Variants in PCGF5 observed in about 807,000 individuals in gnomAD.
PCGF5 encodes polycomb group ring finger 5, also known as polycomb group RING finger protein 5.
In PCGF5, 9 loss-of-function variants were observed where a neutral mutation model predicts 44.3. The ratio of observed to expected loss-of-function variants is 0.20; its 90% CI spans 0.12 to 0.35. PCGF5 has a LOEUF of 0.35. Among genes scored for constraint, PCGF5 ranks in the 10% least tolerant of loss-of-function variants. The probability of loss-of-function intolerance (pLI) is 1.00; values close to 1 mark genes in which losing one functional copy is unlikely to be tolerated. For missense variants in PCGF5, 146 were observed against 305.3 expected (o/e 0.48, Z 3.89); for synonymous variants, 95 against 102.5 (o/e 0.93, Z 0.44).
At chr10:91,247,970 A>G (rs887678334) in intron 3 of PCGF5, among the ~76,000 whole-genome samples, 5 of 152,112 alleles carry the variant, frequency 3.3e-5, no homozygotes, top group South Asian at 2.1e-4. Flanking sequence ...GCATTGGGTA[A>G]TCTGCTGTGC....
intron 1 of PCGF5, among the ~76,000 whole-genome samples, chr10:91,168,859 C>T (rs563354491): frequency 1.0e-3 from 128 of 124,038 alleles, no homozygotes; most frequent in Admixed American, 1.8e-3. Context: ...ATCTGGGAGG[C>T]GGAGGTTGCA....
At position 91,282,145 on chromosome 10, in the gene PCGF5, T is replaced by C. The variant is rs1846469794; in HGVS notation, c.*3829T>C. On this transcript the variant is annotated 3_prime_UTR_variant, in exon 10 of 10. Transcript: ENST00000336126. Reference sequence around the variant, plus strand: ...GATTTATATAAGTAAGTGCTTTCTCTATATTCAAAATATTTCATAAGGACC... The same window carrying C: ...GATTTATATAAGTAAGTGCTTTCTCCATATTCAAAATATTTCATAAGGACC... The C allele has an allele frequency of 6.6e-6, 1 of 152,242 alleles. No homozygotes were observed. The highest frequency in any genetic ancestry group is 1.5e-5 in the Non-Finnish European group (1 of 68,044). The allele number at this position is 152,242 out of a possible 1,614,324, so 9.4% of individuals were successfully genotyped here. A position where few individuals can be genotyped will look rare whatever the true frequency, so the allele number is the denominator to read the frequency against.
chr10:91,182,671 T>C (rs998844129), intron 1 of PCGF5, among the ~76,000 whole-genome samples: 6 of 152,214 alleles, frequency 3.9e-5, no homozygotes, highest in African/African-American at 1.4e-4. Flanking sequence ...CTTTTTGATA[T>C]GGGCATTTAG....
intron 1 of PCGF5, among the ~76,000 whole-genome samples, chr10:91,205,990 C>T (rs1844340690): frequency 6.6e-6 from 1 of 152,124 alleles, no homozygotes; most frequent in Non-Finnish European, 1.5e-5. Context: ...CCACTGCACT[C>T]CGACCTGGGT....
rs960659479 is a variant in PCGF5 at position 91,282,429 on chromosome 10, A to T, written c.*4113A>T. On this transcript the variant is annotated 3_prime_UTR_variant, in exon 10 of 10. Coordinates refer to ENST00000336126, the MANE Select transcript of PCGF5 (RefSeq NM_032373.5). ...AACCCAGGAGGTGGAGGTTGCAGTG[A>T]GCCGCAATTACACCACTGCACTCCA... The T allele has an allele frequency of 6.6e-6, 1 of 152,652 alleles. No homozygotes were observed. The highest frequency in any genetic ancestry group is 2.4e-5 in the African/African-American group (1 of 41,468). The allele number at this position is 152,652 out of a possible 1,614,324, so 9.5% of individuals were successfully genotyped here.
At position 91,282,203 on chromosome 10, in the gene PCGF5, G is replaced by A. The variant is rs1187473539; in HGVS notation, c.*3887G>A. 6.6e-6 allele frequency: 1 copy of A among 152,170 alleles called. No homozygotes were observed. The highest frequency in any genetic ancestry group is 1.5e-5 in the Non-Finnish European group (1 of 68,046). The allele number at this position is 152,170 out of a possible 1,614,324, so 9.4% of individuals were successfully genotyped here. On this transcript the variant is annotated 3_prime_UTR_variant, in exon 10 of 10. Coordinates refer to ENST00000336126, the MANE Select transcript of PCGF5 (RefSeq NM_032373.5). ...TTTTTCCCCTTAAAAAGCAACTCTA[G>A]GCCGGGCACAGTGGCTCATGCCTGT... is the stretch of plus-strand genomic sequence containing the variant.
rs1264836611 is a variant in PCGF5 at position 91,169,874 on chromosome 10, C to CT, written c.-184+6794dup. 2.0e-5 allele frequency among the ~76,000 whole-genome samples: 3 copies of CT among 152,158 alleles called. No homozygotes were observed. In the East Asian group the frequency reaches 5.8e-4, roughly 29 times the overall value. On this transcript the variant is annotated intron_variant, in intron 1 of 9. Transcript: ENST00000614189. ...TGACACTACCTACCTTCAAGGCTTG[C>CT]TATAAACCTATAGTAATCAAGACAG...
chr10:91,260,924 C>T (rs919374944), intron 6 of PCGF5, among the ~76,000 whole-genome samples: 8 of 151,284 alleles, frequency 5.3e-5, no homozygotes, highest in Non-Finnish European at 8.8e-5. Context: ...CAAACCTGCA[C>T]GTTGTGCACA....
rs368101842 is a variant in PCGF5 at position 91,175,623 on chromosome 10, C to G, written c.-184+12542C>G. ...ATGAATAGGAGACATTGGAAGAAGG[C>G]CTTCAATAAAAAAGGCAAAACCCAA... On this transcript the variant is annotated intron_variant, in intron 1 of 9. Coordinates refer to the PCGF5 transcript ENST00000614189. 5.9e-5 allele frequency among the ~76,000 whole-genome samples: 9 copies of G among 152,236 alleles called. No homozygotes were observed. The East Asian group carries it at 1.2e-3, about 20-fold the overall frequency.
intron 2 of PCGF5, among the ~76,000 whole-genome samples, chr10:91,236,546 T>G (rs1249425840): frequency 6.6e-6 from 1 of 152,218 alleles, no homozygotes; most frequent in Admixed American, 6.5e-5. Flanking sequence ...GACTAGGACC[T>G]TTTTAACATC....
rs548104013 is a variant in PCGF5 at position 91,243,447 on chromosome 10, A to C, written c.209+2867A>C. Among the ~76,000 whole-genome samples, 7 of 152,284 alleles carry C rather than the reference A, an allele frequency of 4.6e-5. No individual in the cohort carries two copies. In the South Asian group the frequency reaches 1.4e-3, roughly 32 times the overall value. ...ATTGCCTGTGACACATGTAGCAAAA[A>C]ATTTACCTTCTATGTACTTTTTCTC... On this transcript the variant is annotated intron_variant, in intron 3 of 9. Coordinates refer to ENST00000336126, the MANE Select transcript of PCGF5 (RefSeq NM_032373.5).
At chr10:91,187,262 T>C (rs753560934) in intron 1 of PCGF5, among the ~76,000 whole-genome samples, 18 of 152,180 alleles carry the variant, frequency 1.2e-4, no homozygotes, top group Non-Finnish European at 2.4e-4. Context: ...ATATATAAGA[T>C]TTGACACTAA....
intron 2 of PCGF5, chr10:91,228,027 T>C: frequency 3.8e-6 from 3 of 799,448 alleles, no homozygotes; most frequent in Non-Finnish European, 4.5e-6. Flanking sequence ...CATGTAGGCA[T>C]TGTTGGTTAG....
chr10:91,239,667 T>C (rs1483309587), intron 2 of PCGF5, among the ~76,000 whole-genome samples: 3 of 152,158 alleles, frequency 2.0e-5, no homozygotes, highest in African/African-American at 7.2e-5. Flanking sequence ...GTAAATATTG[T>C]CTAAGGTTTT....
chr10:91,244,731 A>G (rs886964310), intron 3 of PCGF5, among the ~76,000 whole-genome samples: 1 of 152,192 alleles, frequency 6.6e-6, no homozygotes, highest in South Asian at 2.1e-4. Context: ...AGATCCAGCA[A>G]GGTTTGCTGG....
intron 5 of PCGF5, among the ~76,000 whole-genome samples, chr10:91,249,991 G>T (rs1399212229): frequency 3.3e-5 from 5 of 152,072 alleles, no homozygotes; most frequent in South Asian, 4.1e-4. Flanking sequence ...GTCATCAGAA[G>T]TTACGTGGTA....
Position 91,268,932 on chromosome 10 carries a change from A to G in PCGF5, c.664-2706A>G, listed in dbSNP as rs761259082. 3.9e-5 allele frequency among the ~76,000 whole-genome samples: 6 copies of G among 152,292 alleles called. No homozygotes were observed. In the East Asian group the frequency reaches 5.8e-4, roughly 15 times the overall value. On this transcript the variant is annotated intron_variant, in intron 8 of 9. Coordinates refer to ENST00000336126, the MANE Select transcript of PCGF5 (RefSeq NM_032373.5). Reference sequence around the variant, plus strand: ...TCGTAAAATTTTTTCAGTTCGTATCAGTATTGCCACCTCAAGTTTCTATAC... The same window carrying G: ...TCGTAAAATTTTTTCAGTTCGTATCGGTATTGCCACCTCAAGTTTCTATAC...
chr10:91,172,441 A>C (rs551897424), intron 1 of PCGF5, among the ~76,000 whole-genome samples: 1 of 152,314 alleles, frequency 6.6e-6, no homozygotes, highest in Non-Finnish European at 1.5e-5. Context: ...AATGCCCTCT[A>C]GGGCAGAAGA....
rs911165197 is a variant in PCGF5, at chr10:91,279,134, C to T, written c.*818C>T. Reference sequence around the variant, plus strand: ...GACAAGCAGGTGCTGCTTCATGAAACGTCATTGTATAGCCCATTTCATGTA... The same window carrying T: ...GACAAGCAGGTGCTGCTTCATGAAATGTCATTGTATAGCCCATTTCATGTA... On this transcript the variant is annotated 3_prime_UTR_variant, in exon 10 of 10. Coordinates refer to ENST00000336126, the MANE Select transcript of PCGF5 (RefSeq NM_032373.5). The T allele has an allele frequency of 1.3e-5, 2 of 152,182 alleles. No homozygotes were observed. The highest frequency in any genetic ancestry group is 6.6e-5 in the Admixed American group (1 of 15,264). The allele number at this position is 152,182 out of a possible 1,614,324, so 9.4% of individuals were successfully genotyped here. A position where few individuals can be genotyped will look rare whatever the true frequency, so the allele number is the denominator to read the frequency against.
Sources: allele counts gnomAD v4.1 joint callset (sites outside exome capture counted in the v4.1 genomes callset), GRCh38; gene constraint gnomAD v4.1.1; transcripts MANE v1.5; gene names NCBI Gene and HGNC (gene_info 2026-07-23, HGNC 2026-07-21).